LSAMP: variants seen among roughly 807,000 people sequenced by gnomAD.
The protein encoded by LSAMP is limbic system associated membrane protein.
In LSAMP, 7 loss-of-function variants were observed where a neutral mutation model predicts 38.6. The observed-to-expected ratio is 0.18, with a 90% CI of 0.10 to 0.34. The LOEUF is 0.34. Among genes scored for constraint, LSAMP ranks in the 10% least tolerant of loss-of-function variants. The probability of loss-of-function intolerance (pLI) is 1.00; values close to 1 mark genes in which losing one functional copy is unlikely to be tolerated. For missense variants in LSAMP, 313 were observed against 420.0 expected (o/e 0.75, Z 2.23); for synonymous variants, 154 against 166.8 (o/e 0.92, Z 0.59).
chr3:116,109,375 G>A (rs527756434), intron 1 of LSAMP, among the ~76,000 whole-genome samples: 89 of 152,132 alleles, frequency 5.9e-4, no homozygotes, highest in Non-Finnish European at 1.2e-3. Flanking sequence ...GGAGGGGAGA[G>A]GTCAGATAGG....
At chr3:116,341,569 AG>A (rs2047995387) in intron 1 of LSAMP, among the ~76,000 whole-genome samples, 1 of 152,072 alleles carries the variant, frequency 6.6e-6, no homozygotes, top group South Asian at 2.1e-4. Flanking sequence ...ATACATCTTG[AG>A]CAAAGTAATT....
intron 3 of LSAMP, among the ~76,000 whole-genome samples, chr3:116,004,592 G>A (rs542601934): frequency 6.7e-6 from 1 of 149,858 alleles, no homozygotes; most frequent in Admixed American, 6.7e-5. Context: ...TTGGTTTGAT[G>A]TCTATATATA....
chr3:116,165,603 A>G (rs927095191), intron 1 of LSAMP, among the ~76,000 whole-genome samples: 1 of 152,184 alleles, frequency 6.6e-6, no homozygotes, highest in Non-Finnish European at 1.5e-5. Context: ...AGAGGAAATA[A>G]TAATTAAGGA....
At chr3:116,044,755 T>G (rs1211272196) in intron 2 of LSAMP, among the ~76,000 whole-genome samples, 3 of 152,114 alleles carry the variant, frequency 2.0e-5, no homozygotes, top group Non-Finnish European at 4.4e-5. Context: ...TGGCCAGACC[T>G]CCAAGGCTGT....
intron 3 of LSAMP, among the ~76,000 whole-genome samples, chr3:115,861,205 CCTTT>C: frequency 8.2e-6 from 1 of 121,502 alleles, no homozygotes; most frequent in Non-Finnish European, 1.7e-5. Context: ...TTCCTTCCTT[CCTTT>C]CCTTCCTCCC....
intron 1 of LSAMP, among the ~76,000 whole-genome samples, chr3:116,415,539 G>A (rs2049038573): frequency 6.6e-6 from 1 of 152,082 alleles, no homozygotes; most frequent in Non-Finnish European, 1.5e-5. Flanking sequence ...GAGGGAGACT[G>A]TTCTCTTTGG....
intron 1 of LSAMP, among the ~76,000 whole-genome samples, chr3:116,144,518 G>A (rs189092504): frequency 5.5e-4 from 83 of 150,072 alleles, no homozygotes; most frequent in Non-Finnish European, 1.1e-3. Context: ...GTAAGATCCT[G>A]TCTCAATACA....
intron 3 of LSAMP, among the ~76,000 whole-genome samples, chr3:115,870,606 ACT>A (rs551161588): frequency 4.1e-4 from 63 of 152,166 alleles, no homozygotes; most frequent in Admixed American, 7.9e-4. Flanking sequence ...GCATTTTAAC[ACT>A]CTGGTGGTGA....
chr3:116,306,519 C>G (rs1293625314), intron 1 of LSAMP, among the ~76,000 whole-genome samples: 1 of 151,938 alleles, frequency 6.6e-6, no homozygotes, highest in African/African-American at 2.4e-5. Flanking sequence ...GATTCTTACA[C>G]TTGTACTTAG....
At chr3:115,909,099 G>A (rs917218751) in intron 3 of LSAMP, among the ~76,000 whole-genome samples, 8 of 152,058 alleles carry the variant, frequency 5.3e-5, no homozygotes, top group Admixed American at 2.0e-4. Flanking sequence ...CCTAATGCCC[G>A]TCCGGTTCAA....
chr3:116,341,989 C>G (rs1411493677), intron 1 of LSAMP, among the ~76,000 whole-genome samples: 1 of 151,940 alleles, frequency 6.6e-6, no homozygotes, highest in African/African-American at 2.4e-5. Context: ...TAATTTCCCT[C>G]AGAGAAAAGG....
intron 1 of LSAMP, among the ~76,000 whole-genome samples, chr3:116,407,181 T>C (rs1272735892): frequency 6.6e-6 from 1 of 152,084 alleles, no homozygotes; most frequent in Non-Finnish European, 1.5e-5. Flanking sequence ...TGTATCCTTC[T>C]CTCTGTTCAT....
intron 3 of LSAMP, among the ~76,000 whole-genome samples, chr3:115,942,578 A>AT (rs1269682965): frequency 6.6e-6 from 1 of 152,080 alleles, no homozygotes; most frequent in East Asian, 1.9e-4. Flanking sequence ...TCATTCACAT[A>AT]TTTTTTGCTA....
At chr3:116,355,235 G>T (rs538163828) in intron 1 of LSAMP, among the ~76,000 whole-genome samples, 44 of 152,152 alleles carry the variant, frequency 2.9e-4, no homozygotes, top group African/African-American at 1.0e-3. Flanking sequence ...ACATTTTCAA[G>T]ATAATTCTTT....
chr3:115,803,798 C>A lies in LSAMP; in HGVS notation c.*6519G>T, dbSNP rs976564592. ...TCTTGCCCATTTCTTACAGTTCAGC[C>A]TTTGAACCTGCCTGGGACCCCATGC... On this transcript the variant is annotated 3_prime_UTR_variant, in exon 7 of 7. Coordinates refer to ENST00000490035, the MANE Select transcript of LSAMP (RefSeq NM_002338.5). The A allele has an allele frequency of 5.9e-5, 9 of 152,166 alleles. No individual in the cohort carries two copies. In the East Asian group the frequency reaches 1.7e-3, roughly 29 times the overall value. 9.4% of individuals were successfully genotyped at this position (152,166 alleles called of 1,614,324 possible).
In LSAMP at chr3:115,834,595, G is replaced by A. The variant is rs191969318; in HGVS notation, c.919+7250C>T. ...GGGTGGGGGATTGTGGGTAAAACAC[G>A]TTCTAAAGGGGAAAAAATAGTAATC... is the stretch of plus-strand genomic sequence containing the variant. On this transcript the variant is annotated intron_variant, in intron 6 of 6. Coordinates refer to ENST00000490035, the MANE Select transcript of LSAMP (RefSeq NM_002338.5). 8 of 1,245,628 alleles carry A rather than the reference G, an allele frequency of 6.4e-6. No homozygotes were observed. The Admixed American group carries it at 1.2e-4, about 19-fold the overall frequency. 77.2% of individuals were successfully genotyped at this position (1,245,628 alleles called of 1,614,324 possible). A position where few individuals can be genotyped will look rare whatever the true frequency, so the allele number is the denominator to read the frequency against.
intron 1 of LSAMP, among the ~76,000 whole-genome samples, chr3:116,163,303 C>T (rs1336347036): frequency 1.4e-5 from 2 of 147,492 alleles, no homozygotes; most frequent in African/African-American, 2.5e-5. Context: ...TCAATTCCCA[C>T]CTATGAGTGA....
At chr3:116,426,325 A>G (rs989704312) in intron 1 of LSAMP, among the ~76,000 whole-genome samples, 2 of 151,966 alleles carry the variant, frequency 1.3e-5, no homozygotes, top group Non-Finnish European at 2.9e-5. Context: ...CATCTCTACT[A>G]AAAATACAAA....
chr3:116,170,802 C>T (rs1710178630), intron 1 of LSAMP, among the ~76,000 whole-genome samples: 2 of 151,932 alleles, frequency 1.3e-5, no homozygotes, highest in Admixed American at 1.3e-4. Context: ...ACAATGAAGA[C>T]TTTTATTATC....
Sources: allele counts gnomAD v4.1 joint callset (sites outside exome capture counted in the v4.1 genomes callset), GRCh38; gene constraint gnomAD v4.1.1; transcripts MANE v1.5; gene names NCBI Gene and HGNC (gene_info 2026-07-23, HGNC 2026-07-21).